The following VPS13B variants were observed in gnomAD, a reference collection of about 807,000 sequenced individuals.
VPS13B encodes vacuolar protein sorting 13 homolog B.
In VPS13B, 285 loss-of-function variants were observed where a neutral mutation model predicts 426.4. The ratio of observed to expected loss-of-function variants is 0.67; its 90% CI spans 0.61 to 0.74. The LOEUF (loss-of-function observed/expected upper bound fraction) is 0.74. VPS13B is among the 30% of genes least tolerant of loss of function. VPS13B has a pLI of 0.00. For synonymous variants in VPS13B, 1,676 were observed against 1,676.4 expected (o/e 1.00, Z 0.01); for missense variants, 4,537 against 4,782.6 (o/e 0.95, Z 1.51).
intron 17 of VPS13B, among the ~76,000 whole-genome samples, chr8:99,268,847 C>T (rs1033298446): frequency 6.6e-6 from 1 of 152,114 alleles, no homozygotes; most frequent in Non-Finnish European, 1.5e-5. Flanking sequence ...CCACCCAAAT[C>T]TCATCTTGAA....
intron 17 of VPS13B, among the ~76,000 whole-genome samples, chr8:99,242,861 A>G (rs1817008776): frequency 6.6e-6 from 1 of 152,208 alleles, no homozygotes; most frequent in Non-Finnish European, 1.5e-5. Flanking sequence ...TTTAATAGGC[A>G]TGATTCCTTT....
At chr8:99,711,430 C>T (rs1363461652) in intron 36 of VPS13B, among the ~76,000 whole-genome samples, 1 of 152,152 alleles carries the variant, frequency 6.6e-6, no homozygotes, top group Non-Finnish European at 1.5e-5. Flanking sequence ...ACATTAGCAT[C>T]TTATTAAATT....
chr8:99,156,006 C>G (rs1357857034), intron 14 of VPS13B, among the ~76,000 whole-genome samples: 1 of 151,910 alleles, frequency 6.6e-6, no homozygotes, highest in Non-Finnish European at 1.5e-5. Context: ...AATACTGTGC[C>G]GTCCTCAAGA....
chr8:99,849,996 C>T (rs1435549313), intron 55 of VPS13B, among the ~76,000 whole-genome samples: 19 of 117,468 alleles, frequency 1.6e-4, no homozygotes, highest in African/African-American at 3.4e-4. Flanking sequence ...TACATAAGTA[C>T]GCATGTATGT....
chr8:99,592,528 G>A (rs1439913999), intron 33 of VPS13B, among the ~76,000 whole-genome samples: 1 of 151,420 alleles, frequency 6.6e-6, no homozygotes, highest in Non-Finnish European at 1.5e-5. Context: ...TGTTGACGTT[G>A]TTGCTATTCC....
At chr8:99,526,378 A>G (rs1018814668) in intron 30 of VPS13B, among the ~76,000 whole-genome samples, 1 of 152,180 alleles carries the variant, frequency 6.6e-6, no homozygotes, top group Non-Finnish European at 1.5e-5. Context: ...GATTCTTTTT[A>G]TACTTAAGCA....
chr8:99,041,475 C>T (rs1842959182), intron 3 of VPS13B, among the ~76,000 whole-genome samples: 1 of 152,118 alleles, frequency 6.6e-6, no homozygotes, highest in Non-Finnish European at 1.5e-5. Context: ...TTTGTTCAGC[C>T]TCTAGGGGCC....
chr8:99,686,344 A>G (rs1831397898), intron 35 of VPS13B, among the ~76,000 whole-genome samples: 1 of 152,072 alleles, frequency 6.6e-6, no homozygotes, highest in African/African-American at 2.4e-5. Flanking sequence ...GCCTCACCCA[A>G]GGCTCATGAT....
chr8:99,368,291 T>A (rs191734022), intron 19 of VPS13B, among the ~76,000 whole-genome samples: 2 of 152,340 alleles, frequency 1.3e-5, no homozygotes, highest in African/African-American at 4.8e-5. Flanking sequence ...TTCTTCACTG[T>A]AGTTCAGTTG....
chr8:99,699,148 T>TC (rs1832163689), intron 35 of VPS13B, among the ~76,000 whole-genome samples: 1 of 150,260 alleles, frequency 6.7e-6, no homozygotes, highest in Non-Finnish European at 1.5e-5. Flanking sequence ...TTTTTTTTTT[T>TC]TTTTTTTGAA....
intron 14 of VPS13B, among the ~76,000 whole-genome samples, chr8:99,149,183 C>G (rs753043278): frequency 6.6e-6 from 1 of 152,146 alleles, no homozygotes; most frequent in Non-Finnish European, 1.5e-5. Flanking sequence ...TGAAATAATG[C>G]ATGTAAACTA....
chr8:99,523,133 G>A (rs1336944062), intron 30 of VPS13B, among the ~76,000 whole-genome samples: 2 of 152,182 alleles, frequency 1.3e-5, no homozygotes, highest in Non-Finnish European at 2.9e-5. Context: ...GCCTGCTTGT[G>A]GAAAGGGGAG....
intron 3 of VPS13B, among the ~76,000 whole-genome samples, chr8:99,052,383 A>G (rs1843601685): frequency 1.4e-5 from 1 of 73,572 alleles, no homozygotes; most frequent in Non-Finnish European, 2.9e-5. Flanking sequence ...GATGAAGCCA[A>G]CTTCATCTTG....
chr8:99,226,466 T>A (rs920729062), intron 17 of VPS13B, among the ~76,000 whole-genome samples: 2 of 152,210 alleles, frequency 1.3e-5, no homozygotes, highest in Non-Finnish European at 2.9e-5. Context: ...CGTCCTTTTT[T>A]AAAGAAATTC....
intron 12 of VPS13B, among the ~76,000 whole-genome samples, chr8:99,141,462 C>G (rs951998335): frequency 6.6e-6 from 1 of 151,956 alleles, no homozygotes; most frequent in African/African-American, 2.4e-5. Context: ...GATTTGTAAC[C>G]GAAGTTCTAT....
chr8:99,427,614 C>A (rs992059951), intron 21 of VPS13B, among the ~76,000 whole-genome samples: 1 of 151,964 alleles, frequency 6.6e-6, no homozygotes, highest in African/African-American at 2.4e-5. Context: ...GAACTACAAA[C>A]CACTGCTCAA....
intron 17 of VPS13B, among the ~76,000 whole-genome samples, chr8:99,270,481 G>A (rs529523379): frequency 1.1e-4 from 16 of 151,946 alleles, no homozygotes; most frequent in Non-Finnish European, 2.4e-4. Context: ...TATGATAAGA[G>A]TCTTATATAT....
In VPS13B at chr8:99,626,062, T is replaced by C. The variant is rs1828600846; in HGVS notation, c.5221-15749T>C. Among the ~76,000 whole-genome samples the C allele has an allele frequency of 3.3e-5, 5 of 152,304 alleles. No individual in the cohort carries two copies. The South Asian group carries it at 1.0e-3, about 32-fold the overall frequency. ...GACCTAAATGTAAGAACTAAAATTA[T>C]AAAACTCTTAGAAGAAAACATAGGA... On this transcript the variant is annotated intron_variant, in intron 33 of 61. Coordinates refer to ENST00000357162, the MANE Select transcript of VPS13B (RefSeq NM_152564.5).
At chr8:99,470,467 G>A (rs1588414036) in intron 24 of VPS13B, among the ~76,000 whole-genome samples, 1 of 151,956 alleles carries the variant, frequency 6.6e-6, no homozygotes, top group Non-Finnish European at 1.5e-5. Flanking sequence ...AGAGTCAAAT[G>A]GAATTTTAGA....
Sources: gnomAD v4.1 joint callset for allele counts (sites outside exome capture counted in the v4.1 genomes callset) on GRCh38, gnomAD v4.1.1 for gene constraint, MANE v1.5 for transcripts, NCBI Gene and HGNC (gene_info 2026-07-23, HGNC 2026-07-21) for gene names.